Variants in TRIM2 observed in about 807,000 individuals in gnomAD.
TRIM2 encodes the protein tripartite motif-containing protein 2.
In TRIM2, 20 loss-of-function variants were observed where a neutral mutation model predicts 75.2. The observed-to-expected ratio is 0.27, with a 90% CI of 0.19 to 0.39. The LOEUF is 0.39. Among genes scored for constraint, TRIM2 ranks in the 10% least tolerant of loss-of-function variants. The pLI, the probability that TRIM2 is intolerant of heterozygous loss-of-function variation, is 1.00. For missense variants in TRIM2, 660 were observed against 990.8 expected, an observed-to-expected ratio of 0.67 and a Z score of 4.48; for synonymous variants, 373 against 388.3, an observed-to-expected ratio of 0.96 and a Z score of 0.46.
intron 3 of TRIM2, among the ~76,000 whole-genome samples, chr4:153,289,199 G>A (rs1761325824): frequency 6.6e-6 from 1 of 152,104 alleles, no homozygotes; most frequent in Admixed American, 6.6e-5. Context: ...GGAAATCAGA[G>A]TCTCCCCTCT....
intron 3 of TRIM2, among the ~76,000 whole-genome samples, chr4:153,279,054 G>GA (rs1304557680): frequency 6.6e-6 from 1 of 152,194 alleles, no homozygotes; most frequent in Admixed American, 6.5e-5. Flanking sequence ...CTGAACAGGA[G>GA]ATAGGTATTT....
Position 153,245,065 on chromosome 4 carries a change from C to T in TRIM2, c.31-25270C>T, listed in dbSNP as rs139360824. The stretch of plus-strand genomic sequence containing the variant: ...ACCCTCTGAGATGGTTCTTGCTGCA[C>T]GTGTCTGTGCACAGCACTGAGAAGC... On this transcript the variant is annotated intron_variant, in intron 1 of 11. Transcript: ENST00000338700. Among the ~76,000 whole-genome samples the T allele has an allele frequency of 1.0e-3, 153 of 152,276 alleles. 1 individual carries two copies. In the East Asian group the frequency reaches 0.024, roughly 24 times the overall value.
intron 6 of TRIM2, 71 bp downstream of exon 6, chr4:153,296,107 G>C: frequency 6.7e-7 from 1 of 1,486,992 alleles, no homozygotes. Context: ...ACGTGTCATT[G>C]CAAATAGCAA....
At chr4:153,187,683 G>C (rs1732744697) in intron 1 of TRIM2, among the ~76,000 whole-genome samples, 1 of 152,194 alleles carries the variant, frequency 6.6e-6, no homozygotes, top group African/African-American at 2.4e-5. Context: ...GCCCAGGTGG[G>C]CTGCATGGAG....
chr4:153,269,870 T>C (rs1756203887), intron 1 of TRIM2, among the ~76,000 whole-genome samples: 1 of 152,232 alleles, frequency 6.6e-6, no homozygotes, highest in African/African-American at 2.4e-5. Context: ...AGGGTTGGCT[T>C]ATTGGTCATT....
At position 153,244,398 on chromosome 4, in the gene TRIM2, TC is replaced by T. The variant is rs1343487010; in HGVS notation, c.31-25936del. Among the ~76,000 whole-genome samples the T allele has an allele frequency of 8.5e-4, 68 of 79,544 alleles. 16 individuals carry two copies. The highest frequency in any genetic ancestry group is 5.1e-3 in the African/African-American group (61 of 11,848). 52.2% of individuals were successfully genotyped at this position (79,544 alleles called of 152,430 possible). ...TTCTTCTTCTTCTTCTTCTTCTTCTTCTTCTTCTTCTTCTTCTTCTTCTTCT... is the reference window on the plus strand; with the variant it reads ...TTCTTCTTCTTCTTCTTCTTCTTCTTTTCTTCTTCTTCTTCTTCTTCTTCT... On this transcript the variant is annotated intron_variant, in intron 1 of 11. Coordinates refer to ENST00000338700, the MANE Select transcript of TRIM2 (RefSeq NM_015271.5).
Position 153,292,895 on chromosome 4 carries a change from A to T in TRIM2, c.454-87A>T, listed in dbSNP as rs1412980221. 1.9e-5 allele frequency: 24 copies of T among 1,274,608 alleles called. No homozygotes were observed. The East Asian group carries it at 5.7e-4, about 30-fold the overall frequency. The allele number at this position is 1,274,608 out of a possible 1,614,324, so 79.0% of individuals were successfully genotyped here. ...ATTCTGGGGTGGCTCTCATTTAATT[A>T]TGAGAGACTGCAAGGCAAGTGCTTA... On this transcript the variant is annotated intron_variant, in intron 3 of 11. Transcript: ENST00000338700.
intron 3 of TRIM2, among the ~76,000 whole-genome samples, chr4:153,281,691 C>T (rs1407060660): frequency 6.6e-6 from 1 of 152,222 alleles, no homozygotes; most frequent in Non-Finnish European, 1.5e-5. Flanking sequence ...GAAAGCCTGT[C>T]ATCAACTTTA....
chr4:153,295,402 C>G lies in TRIM2; in HGVS notation c.876C>G (p.Gly292=). Reference sequence around the variant, plus strand: ...TCACAGCGCAGGCCCTCAACCATGGCACGGAGACCGAGGTCCTACTGGTGA... The same window carrying G: ...TCACAGCGCAGGCCCTCAACCATGGGACGGAGACCGAGGTCCTACTGGTGA... ...SNFTAQALNH[G]TETEVLLVKK... is the part of the protein sequence containing the mutation. The change falls in exon 6 of 12, where the codon GGC becomes GGG. Residue 292 remains glycine (G), a synonymous_variant. Transcript: ENST00000338700. This position sits in a 1 kb window ranked among gnomAD's most constrained non-coding sequence, Gnocchi z 7.2. The G allele has an allele frequency of 6.2e-7, 1 of 1,614,152 alleles. No homozygotes were observed. Among genetic ancestry groups the G allele is most frequent in the East Asian group, 2.2e-5 (1 of 44,868 alleles).
chr4:153,313,578 C>G (rs1213321804), intron 6 of TRIM2, among the ~76,000 whole-genome samples: 1 of 151,844 alleles, frequency 6.6e-6, no homozygotes, highest in Non-Finnish European at 1.5e-5. Flanking sequence ...CCTTGTCTAC[C>G]CTTTCCTAAG....
chr4:153,185,485 A>G (rs188986050), intron 1 of TRIM2, among the ~76,000 whole-genome samples: 243 of 151,832 alleles, frequency 1.6e-3, no homozygotes, highest in Non-Finnish European at 2.8e-3. Context: ...TGATGAGTGG[A>G]TCTTGAGCCA....
At chr4:153,315,402 G>A in intron 6 of TRIM2, 83 bp from the exon 7 acceptor site, 3 of 1,144,518 alleles carry the variant, frequency 2.6e-6, no homozygotes, top group Non-Finnish European at 3.7e-6. Context: ...AGGTACCTGT[G>A]GAAATCTGAA....
chr4:153,231,742 A>G (rs1223175142), intron 1 of TRIM2, among the ~76,000 whole-genome samples: 1 of 152,126 alleles, frequency 6.6e-6, no homozygotes, highest in African/African-American at 2.4e-5. Context: ...GCTTATAAAT[A>G]GTGTTCTGTG....
At chr4:153,189,011 T>A (rs1050785504) in intron 1 of TRIM2, among the ~76,000 whole-genome samples, 37 of 146,216 alleles carry the variant, frequency 2.5e-4, no homozygotes, top group African/African-American at 8.2e-4. Context: ...TTTCTTTCTT[T>A]AAAAAAAAAA....
In TRIM2 at chr4:153,316,012, A is replaced by G; in HGVS notation, c.1782+13A>G. The G allele has an allele frequency of 6.5e-7, 1 of 1,545,692 alleles. No individual in the cohort carries two copies. The highest frequency in any genetic ancestry group is 8.7e-7 in the Non-Finnish European group (1 of 1,149,422). On this transcript the variant is annotated intron_variant, in intron 8 of 11. Transcript: ENST00000338700. ...TGGGAAATTTAAGGTAAGATTAACT[A>G]CTAATTGTTCACTAAACAATGGAGA...
Position 153,275,904 on chromosome 4 carries a change from A to G in TRIM2, c.227A>G (p.Asn76Ser). The change falls in exon 3 of 12, where the codon AAC becomes AGC. Residue 76 changes from asparagine (N) to serine (S), a missense_variant. Asn to Ser is a conservative substitution (Grantham distance 46). Around this residue, in one of 2 missense-constraint regions of TRIM2, gnomAD observed 620 missense variants for 891.0 expected, o/e 0.70. Coordinates refer to ENST00000338700, the MANE Select transcript of TRIM2 (RefSeq NM_015271.5). ...LHTFCERCLQ[N>S]YIPAHSLTLS... ...TGCTTCTGCAACAGGTGCCTGCAGA[A>G]CTACATTCCTGCCCACAGTTTAACC... The G allele has an allele frequency of 6.2e-7, 1 of 1,614,180 alleles. No homozygotes were observed. Among genetic ancestry groups the G allele is most frequent in the Non-Finnish European group, 8.5e-7 (1 of 1,180,002 alleles).
chr4:153,212,184 A>G (rs1319769536), intron 1 of TRIM2, among the ~76,000 whole-genome samples: 1 of 152,168 alleles, frequency 6.6e-6, no homozygotes, highest in African/African-American at 2.4e-5. Flanking sequence ...TGGTACATAT[A>G]CACCATGGAA....
chr4:153,329,144 AC>A (rs1443845899), intron 11 of TRIM2, among the ~76,000 whole-genome samples: 2 of 152,126 alleles, frequency 1.3e-5, no homozygotes, highest in African/African-American at 4.8e-5. Flanking sequence ...TAATTATTAG[AC>A]CCATTACTAT....
At chr4:153,161,155 A>T (rs1369223102) in intron 1 of TRIM2, among the ~76,000 whole-genome samples, 3 of 152,376 alleles carry the variant, frequency 2.0e-5, no homozygotes, top group Non-Finnish European at 2.9e-5. Flanking sequence ...AAACTAAAAT[A>T]GCTTGTTTGT....
Sources: allele counts gnomAD v4.1 joint callset (sites outside exome capture counted in the v4.1 genomes callset), GRCh38; gene constraint gnomAD v4.1.1; regional missense constraint gnomAD v4.1.1; non-coding constraint Gnocchi (gnomAD v3.1); transcripts MANE v1.5; gene names NCBI Gene and HGNC (gene_info 2026-07-23, HGNC 2026-07-21).